GALK2: variants seen among roughly 807,000 people sequenced by gnomAD.
GALK2 encodes N-acetylgalactosamine kinase.
In GALK2, 36 loss-of-function variants were observed where a neutral mutation model predicts 52.4. That is an observed-to-expected ratio of 0.69 (90% CI 0.53 to 0.91). The LOEUF is 0.91. GALK2 is among the 40% of genes least tolerant of loss of function. The pLI is 0.00. For synonymous variants in GALK2, 176 were observed against 199.1 expected, an observed-to-expected ratio of 0.88 and a Z score of 0.98; for missense variants, 579 against 559.1, an observed-to-expected ratio of 1.04 and a Z score of -0.36.
At chr15:49,319,913 C>T in intron 9 of GALK2, 108 bp downstream of exon 9, 1 of 922,026 alleles carries the variant, frequency 1.1e-6, no homozygotes, top group Non-Finnish European at 1.6e-6. Flanking sequence ...TCATTCCCCA[C>T]TTCCTATATG....
intron 5 of GALK2, among the ~76,000 whole-genome samples, chr15:49,262,853 T>C (rs2092188133): frequency 6.9e-6 from 1 of 144,880 alleles, no homozygotes; most frequent in African/African-American, 2.6e-5. Context: ...GAGCAGGTTG[T>C]TCAGTTTCCA....
chr15:49,274,763 TTTTTTAAC>T, intron 5 of GALK2, among the ~76,000 whole-genome samples: 1 of 152,296 alleles, frequency 6.6e-6, no homozygotes, highest in East Asian at 1.9e-4. Context: ...AATTTTTTAA[TTTTTTAAC>T]GTTTTAAACT....
In GALK2 at chr15:49,329,383, T is replaced by G; in HGVS notation, c.*1224T>G. 1.0e-6 allele frequency: 1 copy of G among 985,362 alleles called. No homozygotes were observed. The highest frequency in any genetic ancestry group is 1.2e-6 in the Non-Finnish European group (1 of 829,862). The allele number at this position is 985,362 out of a possible 1,614,324, so 61.0% of individuals were successfully genotyped here. A position where few individuals can be genotyped will look rare whatever the true frequency, so the allele number is the denominator to read the frequency against. On this transcript the variant is annotated 3_prime_UTR_variant, in exon 10 of 10. Coordinates refer to ENST00000560031, the MANE Select transcript of GALK2 (RefSeq NM_002044.4). ...TGCTGAAATACTCAGGTAATTGAGA[T>G]AGCAATGGTTTTATGGCATGAATTA... is the stretch of plus-strand genomic sequence containing the variant.
At chr15:49,260,524 C>T (rs954026086) in intron 5 of GALK2, among the ~76,000 whole-genome samples, 21 of 146,590 alleles carry the variant, frequency 1.4e-4, no homozygotes, top group African/African-American at 5.1e-4. Flanking sequence ...GTTGCCTGTT[C>T]ACTCTGATGG....
At chr15:49,259,739 C>G (rs1291460278) in intron 5 of GALK2, among the ~76,000 whole-genome samples, 3 of 142,426 alleles carry the variant, frequency 2.1e-5, no homozygotes, top group Admixed American at 7.1e-5. Context: ...CTCCCCCAAC[C>G]CCACCACAGT....
intron 2 of GALK2, among the ~76,000 whole-genome samples, chr15:49,206,375 T>A (rs181265592): frequency 3.3e-5 from 5 of 152,106 alleles, no homozygotes; most frequent in Admixed American, 2.6e-4. Context: ...GATGGTGGTA[T>A]TTTGATGGGG....
At chr15:49,170,451 C>G (rs1440690088) in intron 1 of GALK2, 76 bp downstream of exon 1, 1 of 1,439,980 alleles carries the variant, frequency 6.9e-7, no homozygotes. Context: ...GCACTTGGCT[C>G]CTCCCTTGGG....
intron 1 of GALK2, among the ~76,000 whole-genome samples, chr15:49,172,261 T>C (rs2085154859): frequency 6.6e-6 from 1 of 152,238 alleles, no homozygotes; most frequent in South Asian, 2.1e-4. Context: ...CTTAGTGTTC[T>C]TCTTGCTTTT....
At chr15:49,282,152 G>C in intron 6 of GALK2, 67 bp downstream of exon 6, 3 of 1,093,446 alleles carry the variant, frequency 2.7e-6, no homozygotes, top group Non-Finnish European at 4.2e-6. Context: ...GGAGAAGAAG[G>C]CCCTGAGAGC....
At chr15:49,358,336 C>T (rs1399718482) in intron 3 of GALK2, among the ~76,000 whole-genome samples, 1 of 118,318 alleles carries the variant, frequency 8.5e-6, no homozygotes, top group African/African-American at 3.3e-5. Flanking sequence ...ATGTAGAAAA[C>T]CCCATTGTCT....
chr15:49,169,073 A>C (rs866807264), upstream of GALK2: 1 of 153,192 alleles, frequency 6.5e-6, no homozygotes, highest in African/African-American at 2.4e-5. Context: ...GTCCATTCAC[A>C]CTTTGTCTCC....
intron 4 of GALK2, among the ~76,000 whole-genome samples, chr15:49,237,958 G>C (rs997666905): frequency 6.6e-6 from 1 of 152,090 alleles, no homozygotes; most frequent in Non-Finnish European, 1.5e-5. Context: ...ATTTTTAGAT[G>C]ACTTGAAATC....
chr15:49,313,245 A>G (rs1414924472), intron 8 of GALK2, among the ~76,000 whole-genome samples: 3 of 152,220 alleles, frequency 2.0e-5, no homozygotes, highest in Non-Finnish European at 2.9e-5. Context: ...AAATCTTCCA[A>G]TATAAAGACA....
rs575750370 is a variant in GALK2 at position 49,330,431 on chromosome 15, T to A, written c.*2272T>A. ...AAATCAGGAGATTGTACAAGCAGTA[T>A]CAGATATTCTGGATTACTCAGAATC... On this transcript the variant is annotated 3_prime_UTR_variant, in exon 10 of 10. Coordinates refer to ENST00000560031, the MANE Select transcript of GALK2 (RefSeq NM_002044.4). The A allele has an allele frequency of 1.3e-5, 2 of 152,272 alleles. No homozygotes were observed. Among genetic ancestry groups the A allele is most frequent in the Admixed American group, 6.5e-5 (1 of 15,312 alleles). 9.4% of individuals were successfully genotyped at this position (152,272 alleles called of 1,614,324 possible).
At chr15:49,292,302 C>G in intron 7 of GALK2, 25 bp from the exon 8 acceptor site, 1 of 1,591,896 alleles carries the variant, frequency 6.3e-7, no homozygotes, top group Non-Finnish European at 8.6e-7. Flanking sequence ...TCAAAACTGA[C>G]CATTATCTTG....
intron 5 of GALK2, among the ~76,000 whole-genome samples, chr15:49,240,085 C>T (rs1421986738): frequency 1.3e-5 from 2 of 152,154 alleles, no homozygotes; most frequent in Admixed American, 6.6e-5. Context: ...CATGTTTAAA[C>T]TTTCAGTTTG....
intron 9 of GALK2, among the ~76,000 whole-genome samples, chr15:49,326,255 ATT>A (rs35381509): frequency 7.0e-5 from 7 of 100,698 alleles, no homozygotes; most frequent in East Asian, 2.9e-4. Flanking sequence ...TATGACAACC[ATT>A]TTTTTTTTTT....
At chr15:49,169,300 G>T (rs1025525415), upstream of GALK2, 1 of 152,092 alleles carries the variant, frequency 6.6e-6, no homozygotes, top group African/African-American at 2.4e-5. Context: ...TTTATTGCTA[G>T]CTGTCTTTGC....
chr15:49,165,349 AAG>A (rs532650099), upstream of GALK2, among the ~76,000 whole-genome samples: 106 of 152,302 alleles, frequency 7.0e-4, no homozygotes, highest in African/African-American at 2.5e-3. Context: ...CCTTTTTTAG[AAG>A]AGGAATTTCA....
Sources: allele counts gnomAD v4.1 joint callset (sites outside exome capture counted in the v4.1 genomes callset), GRCh38; gene constraint gnomAD v4.1.1; transcripts MANE v1.5; gene names NCBI Gene and HGNC (gene_info 2026-07-23, HGNC 2026-07-21).